Variants in ZNF317 observed in about 807,000 individuals in gnomAD.
ZNF317 encodes zinc finger protein 317, also known as KRAB-containing zinc finger protein 317.
A neutral mutation model predicts 23.4 loss-of-function variants in ZNF317; 17 were observed. That is an observed-to-expected ratio of 0.73 (90% CI 0.50 to 1.09). The LOEUF is 1.09. Ranked by LOEUF, ZNF317 falls within the 50% of genes least tolerant of loss-of-function variation. The pLI is 0.00. For synonymous variants in ZNF317, 317 were observed against 314.9 expected (o/e 1.01, Z -0.07); for missense variants, 679 against 796.7 (o/e 0.85, Z 1.78).
rs1046150739 is a variant in ZNF317 at position 9,162,682 on chromosome 19, C to G, written c.*1249C>G. 6.6e-6 allele frequency: 1 copy of G among 151,956 alleles called. No individual in the cohort carries two copies. The highest frequency in any genetic ancestry group is 6.6e-5 in the Admixed American group (1 of 15,218). The allele number at this position is 151,956 out of a possible 1,614,324, so 9.4% of individuals were successfully genotyped here. A position where few individuals can be genotyped will look rare whatever the true frequency, so the allele number is the denominator to read the frequency against. On this transcript the variant is annotated 3_prime_UTR_variant, in exon 7 of 7. Coordinates refer to ENST00000247956, the MANE Select transcript of ZNF317 (RefSeq NM_020933.5). Reference sequence around the variant, plus strand: ...TTTCATCTTTATTTTTAAGGTTATACTCCTCTAAATAACCCTTAAGCCTCA... The same window carrying G: ...TTTCATCTTTATTTTTAAGGTTATAGTCCTCTAAATAACCCTTAAGCCTCA...
At position 9,160,217 on chromosome 19, in the gene ZNF317, A is replaced by G. The variant is rs771762266; in HGVS notation, c.572A>G (p.Lys191Arg). 5 of 1,614,176 alleles carry G rather than the reference A, an allele frequency of 3.1e-6. No homozygotes were observed. The highest frequency in any genetic ancestry group is 4.2e-6 in the Non-Finnish European group (5 of 1,180,024). The change falls in exon 7 of 7, where the codon AAG becomes AGG. Residue 191 changes from lysine to arginine, a missense_variant. Lys to Arg is a conservative substitution (Grantham distance 26, BLOSUM62 2). Coordinates refer to ENST00000247956, the MANE Select transcript of ZNF317 (RefSeq NM_020933.5). This position sits in a 1 kb window ranked among gnomAD's most constrained non-coding sequence, Gnocchi z 6.8. Reference protein sequence around the residue: ...LTQPMGRHAGKRPYHRRDYGV... With the variant: ...LTQPMGRHAGRRPYHRRDYGV... ...CAGCCAATGGGAAGGCACGCTGGCAAGAGGCCCTATCACCGCCGCGACTAT... is the reference window on the plus strand; with the variant it reads ...CAGCCAATGGGAAGGCACGCTGGCAGGAGGCCCTATCACCGCCGCGACTAT...
intron 1 of ZNF317, among the ~76,000 whole-genome samples, chr19:9,155,577 T>C (rs1383017741): frequency 6.6e-6 from 1 of 152,192 alleles, no homozygotes; most frequent in Admixed American, 6.5e-5. Flanking sequence ...GTGGACCATC[T>C]TCATGGATAG....
At chr19:9,152,518 T>C (rs531371374) in intron 1 of ZNF317, among the ~76,000 whole-genome samples, 3 of 152,296 alleles carry the variant, frequency 2.0e-5, no homozygotes, top group Non-Finnish European at 4.4e-5. Flanking sequence ...TAGATTCTCA[T>C]AGGGGCGCAG....
Position 9,160,538 on chromosome 19 carries a change from G to A in ZNF317, c.893G>A (p.Arg298Gln), listed in dbSNP as rs1168409482. 1.9e-6 allele frequency: 3 copies of A among 1,614,044 alleles called. No individual in the cohort carries two copies. Among genetic ancestry groups the A allele is most frequent in the Non-Finnish European group, 1.7e-6 (2 of 1,180,052 alleles). The change falls in exon 7 of 7, where the codon CGA becomes CAA. Residue 298 changes from arginine (R) to glutamine (Q), a missense_variant. Transcript: ENST00000247956. The surrounding 1 kb of genome is among the most constrained non-coding windows in gnomAD (Gnocchi z 6.8). ...RTLSALKIHM[R>Q]VHTGERPYKC... ...CTCTCGGCCCTGAAAATCCACATGC[G>A]AGTTCACACTGGCGAGAGGCCTTAC...
In ZNF317 at chr19:9,160,292, A is replaced by G. The variant is rs904205901; in HGVS notation, c.647A>G (p.Tyr216Cys). ...RPHLTQHMSM[Y>C]DGRKMHECHQ... ...CACCTCACTCAGCACATGAGCATGT[A>G]CGACGGGAGAAAAATGCATGAATGT... is the stretch of plus-strand genomic sequence containing the variant. The change falls in exon 7 of 7, where the codon TAC (tyrosine) becomes TGC (cysteine). Residue 216 changes from tyrosine (Y) to cysteine (C), a missense_variant. Coordinates refer to ENST00000247956, the MANE Select transcript of ZNF317 (RefSeq NM_020933.5). The surrounding 1 kb of genome is among the most constrained non-coding windows in gnomAD (Gnocchi z 6.8). The G allele has an allele frequency of 3.7e-6, 6 of 1,614,104 alleles. No homozygotes were observed. In the African/African-American group the frequency reaches 8.0e-5, roughly 22 times the overall value.
Position 9,163,340 on chromosome 19 carries a change from T to A in ZNF317, c.*1907T>A, listed in dbSNP as rs1347423356. 2 of 152,230 alleles carry A rather than the reference T, an allele frequency of 1.3e-5. No individual in the cohort carries two copies. The highest frequency in any genetic ancestry group is 4.8e-5 in the African/African-American group (2 of 41,470). 9.4% of individuals were successfully genotyped at this position (152,230 alleles called of 1,614,324 possible). A position where few individuals can be genotyped will look rare whatever the true frequency, so the allele number is the denominator to read the frequency against. ...TGGCCTCCCCTGTGGCCTCTTTGAG[T>A]GTCTGCAGCAGCCCTGGACTTCCAG... On this transcript the variant is annotated 3_prime_UTR_variant, in exon 7 of 7. Transcript: ENST00000247956.
intron 1 of ZNF317, among the ~76,000 whole-genome samples, chr19:9,152,195 C>G (rs903137974): frequency 2.6e-5 from 4 of 151,566 alleles, no homozygotes; most frequent in Non-Finnish European, 5.9e-5. Context: ...CGTGAGCCAC[C>G]GTGCCCAGCT....
chr19:9,157,471 A>G, intron 4 of ZNF317, 77 bp downstream of exon 4: 1 of 1,582,626 alleles, frequency 6.3e-7, no homozygotes, highest in Admixed American at 1.7e-5. Flanking sequence ...GTGACCCAGG[A>G]ACTATGCAGC....
At chr19:9,157,563 G>C (rs1229869260) in intron 4 of ZNF317, 169 bp downstream of exon 4, 15 of 836,156 alleles carry the variant, frequency 1.8e-5, no homozygotes, top group Non-Finnish European at 2.5e-5. Flanking sequence ...CCCATCTATT[G>C]CAGGGACCAT....
At chr19:9,140,841 TG>T (rs942176033) in intron 1 of ZNF317, among the ~76,000 whole-genome samples, 1 of 151,754 alleles carries the variant, frequency 6.6e-6, no homozygotes, top group African/African-American at 2.4e-5. Context: ...AAGTCTCTGG[TG>T]GGGGCGGAAA....
At chr19:9,141,998 G>T (rs2050635892) in intron 1 of ZNF317, among the ~76,000 whole-genome samples, 1 of 152,142 alleles carries the variant, frequency 6.6e-6, no homozygotes, top group Non-Finnish European at 1.5e-5. Context: ...TGGAGATGGG[G>T]TTTCAACATG....
intron 1 of ZNF317, among the ~76,000 whole-genome samples, chr19:9,151,824 TC>T (rs1485199346): frequency 6.6e-6 from 1 of 152,136 alleles, no homozygotes; most frequent in Non-Finnish European, 1.5e-5. Flanking sequence ...CCATTCTGTG[TC>T]TCATTCACTT....
At chr19:9,158,382 T>TTTTTTTTTTTG in intron 5 of ZNF317, among the ~76,000 whole-genome samples, 1 of 132,628 alleles carries the variant, frequency 7.5e-6, no homozygotes, top group Non-Finnish European at 1.6e-5. Flanking sequence ...TTTTTTTTTT[T>TTTTTTTTTTTG]TTTTTTTTTG....
intron 2 of ZNF317, among the ~76,000 whole-genome samples, chr19:9,156,411 C>G (rs1440345013): frequency 1.3e-5 from 2 of 152,136 alleles, no homozygotes; most frequent in Non-Finnish European, 2.9e-5. Context: ...GCCCACCACC[C>G]TCTTTATGTT....
Position 9,160,856 on chromosome 19 carries a change from C to T in ZNF317, c.1211C>T (p.Ser404Phe). 1 of 1,614,130 alleles carries T rather than the reference C, an allele frequency of 6.2e-7. No homozygotes were observed. The highest frequency in any genetic ancestry group is 8.5e-7 in the Non-Finnish European group (1 of 1,180,022). ...ECGKSFGDLV[S>F]RRKHMRIHIV... is the part of the protein sequence containing the mutation. ...GGGAAATCCTTTGGCGATCTCGTGT[C>T]CCGGAGGAAACACATGAGGATTCAC... The change falls in exon 7 of 7, where the codon TCC becomes TTC. Residue 404 changes from serine to phenylalanine, a missense_variant. Coordinates refer to ENST00000247956, the MANE Select transcript of ZNF317 (RefSeq NM_020933.5). This position sits in a 1 kb window ranked among gnomAD's most constrained non-coding sequence, Gnocchi z 6.8.
Position 9,163,069 on chromosome 19 carries a change from G to A in ZNF317, c.*1636G>A, listed in dbSNP as rs1226256102. On this transcript the variant is annotated 3_prime_UTR_variant, in exon 7 of 7. Transcript: ENST00000247956. The stretch of plus-strand genomic sequence containing the variant: ...ATCTCTTACAGGTTTTCTTGCAGCT[G>A]GTACCATCCATGTCTCACAGCCCTG... The A allele has an allele frequency of 6.6e-6, 1 of 152,192 alleles. No homozygotes were observed. The highest frequency in any genetic ancestry group is 1.5e-5 in the Non-Finnish European group (1 of 68,028). 9.4% of individuals were successfully genotyped at this position (152,192 alleles called of 1,614,324 possible).
At position 9,162,681 on chromosome 19, in the gene ZNF317, A is replaced by G. The variant is rs1369615516; in HGVS notation, c.*1248A>G. 3 of 151,956 alleles carry G rather than the reference A, an allele frequency of 2.0e-5. No homozygotes were observed. The highest frequency in any genetic ancestry group is 7.3e-5 in the African/African-American group (3 of 41,374). 9.4% of individuals were successfully genotyped at this position (151,956 alleles called of 1,614,324 possible). A position where few individuals can be genotyped will look rare whatever the true frequency, so the allele number is the denominator to read the frequency against. On this transcript the variant is annotated 3_prime_UTR_variant, in exon 7 of 7. Transcript: ENST00000247956. ...TTTTCATCTTTATTTTTAAGGTTATACTCCTCTAAATAACCCTTAAGCCTC... is the reference window on the plus strand; with the variant it reads ...TTTTCATCTTTATTTTTAAGGTTATGCTCCTCTAAATAACCCTTAAGCCTC...
Position 9,154,359 on chromosome 19 carries a change from G to T in ZNF317, c.-92-1566G>T, listed in dbSNP as rs191076377. On this transcript the variant is annotated intron_variant, in intron 1 of 6. Coordinates refer to ENST00000247956, the MANE Select transcript of ZNF317 (RefSeq NM_020933.5). ...AGGTAAGTTTCTATCATCCTAGAAA[G>T]TTCCCTTTGCTTCTTTCAGTCTATC... 2.0e-4 allele frequency among the ~76,000 whole-genome samples: 31 copies of T among 152,122 alleles called. No homozygotes were observed. In the East Asian group the frequency reaches 3.5e-3, roughly 17 times the overall value.
chr19:9,161,286 G>T lies in ZNF317; in HGVS notation c.1641G>T (p.Val547=), dbSNP rs777677202. 18 of 1,613,626 alleles carry T rather than the reference G, an allele frequency of 1.1e-5. No individual in the cohort carries two copies. The South Asian group carries it at 1.8e-4, about 16-fold the overall frequency. The change falls in exon 7 of 7, where the codon GTG becomes GTT. Residue 547 remains valine, a synonymous_variant. Coordinates refer to ENST00000247956, the MANE Select transcript of ZNF317 (RefSeq NM_020933.5). This position sits in a 1 kb window ranked among gnomAD's most constrained non-coding sequence, Gnocchi z 4.0. ...TCAGCATAGGCTCCAACCTGAATGT[G>T]CACAGGCGGATCCACACCGGGGAGA... ...KAFSIGSNLN[V]HRRIHTGEKP...
Sources: allele counts gnomAD v4.1 joint callset (sites outside exome capture counted in the v4.1 genomes callset), GRCh38; gene constraint gnomAD v4.1.1; non-coding constraint Gnocchi (gnomAD v3.1); transcripts MANE v1.5; gene names NCBI Gene and HGNC (gene_info 2026-07-23, HGNC 2026-07-21).